The following NMBR variants were observed in gnomAD, a reference collection of about 807,000 sequenced individuals.
The protein encoded by NMBR is neuromedin B receptor.
NMBR carries 16 observed loss-of-function variants against 20.5 expected under a neutral mutation model. The ratio of observed to expected loss-of-function variants is 0.78; its 90% confidence interval spans 0.53 to 1.19. NMBR has a LOEUF of 1.19. NMBR is among the 50% of genes most tolerant of loss of function. NMBR has a pLI of 0.00. For synonymous variants in NMBR, 212 were observed against 196.6 expected, an observed-to-expected ratio of 1.08 and a Z score of -0.65; for missense variants, 582 against 499.1, an observed-to-expected ratio of 1.17 and a Z score of -1.58.
intron 1 of NMBR, among the ~76,000 whole-genome samples, chr6:142,133,350 T>C (rs1582863092): frequency 6.6e-6 from 1 of 152,286 alleles, no homozygotes; most frequent in East Asian, 1.9e-4. Context: ...AATTTAAAAC[T>C]ATAAAGAGAA....
At chr6:142,146,812 T>C (rs926221287) in intron 1 of NMBR, among the ~76,000 whole-genome samples, 1 of 152,154 alleles carries the variant, frequency 6.6e-6, no homozygotes, top group Non-Finnish European at 1.5e-5. Flanking sequence ...GTATTGAAAT[T>C]AAAGTTTCTA....
intron 1 of NMBR, among the ~76,000 whole-genome samples, chr6:142,124,305 T>C (rs1295809356): frequency 2.0e-5 from 3 of 151,900 alleles, no homozygotes; most frequent in Admixed American, 1.3e-4. Context: ...TTTATACCTA[T>C]TTGGTACACT....
At chr6:142,101,051 C>T (rs1255038353) in intron 1 of NMBR, among the ~76,000 whole-genome samples, 1 of 152,104 alleles carries the variant, frequency 6.6e-6, no homozygotes, top group Non-Finnish European at 1.5e-5. Context: ...CAAAGAGACT[C>T]CAGTGCAGCC....
chr6:142,090,434 T>C (rs962892330), intron 1 of NMBR, among the ~76,000 whole-genome samples: 3 of 151,950 alleles, frequency 2.0e-5, no homozygotes, highest in African/African-American at 7.2e-5. Flanking sequence ...AACATTTGCA[T>C]TGTAATCAAT....
At chr6:142,097,036 A>T (rs1000414285) in intron 1 of NMBR, among the ~76,000 whole-genome samples, 9 of 151,946 alleles carry the variant, frequency 5.9e-5, no homozygotes, top group Non-Finnish European at 1.2e-4. Flanking sequence ...TAGATCTTCC[A>T]CCATCCCTTT....
Position 142,088,916 on chromosome 6 carries a change from A to G in NMBR, c.-258T>C. 2.6e-6 allele frequency: 1 copy of G among 381,448 alleles called. No homozygotes were observed. 23.6% of individuals were successfully genotyped at this position (381,448 alleles called of 1,614,324 possible). A position where few individuals can be genotyped will look rare whatever the true frequency, so the allele number is the denominator to read the frequency against. On this transcript the variant is annotated 5_prime_UTR_variant, in exon 2 of 4. Transcript: ENST00000258042. ...TGAATTTAAATTAAAAAAAAAAAAA[A>G]AGCAAAGCGGTTGCGTCTTTGTTCC...
intron 1 of NMBR, among the ~76,000 whole-genome samples, chr6:142,089,776 T>G (rs1009091472): frequency 5.3e-5 from 8 of 152,212 alleles, no homozygotes; most frequent in African/African-American, 1.9e-4. Context: ...TGTTTATCCA[T>G]TCTATATTGA....
intron 1 of NMBR, among the ~76,000 whole-genome samples, chr6:142,095,159 A>G (rs7449532): frequency 0.63 from 95,787 of 151,454 alleles, 31,849 homozygotes; most frequent in East Asian, 0.87. Context: ...TCTCCTGCCT[A>G]ATTGCCCTGG....
At chr6:142,099,243 G>A (rs1777514995) in intron 1 of NMBR, among the ~76,000 whole-genome samples, 1 of 152,150 alleles carries the variant, frequency 6.6e-6, no homozygotes, top group Non-Finnish European at 1.5e-5. Context: ...AGATGAACTT[G>A]TGTATTCGTT....
At chr6:142,103,909 TTA>T (rs1376121450) in intron 1 of NMBR, among the ~76,000 whole-genome samples, 1 of 152,184 alleles carries the variant, frequency 6.6e-6, no homozygotes, top group African/African-American at 2.4e-5. Context: ...AAGCCTAAAG[TTA>T]TCAGAAACTT....
At chr6:142,140,409 A>G (rs1210337945) in intron 1 of NMBR, among the ~76,000 whole-genome samples, 2 of 152,134 alleles carry the variant, frequency 1.3e-5, no homozygotes, top group Non-Finnish European at 2.9e-5. Context: ...AAAAGCCAAC[A>G]CAATTTTGGC....
intron 2 of NMBR, among the ~76,000 whole-genome samples, chr6:142,087,553 T>A (rs909330199): frequency 2.0e-4 from 30 of 152,248 alleles, no homozygotes; most frequent in Admixed American, 2.0e-3. Flanking sequence ...CAAAATAGAA[T>A]AATGGACACT....
At chr6:142,137,582 A>G (rs1051111225) in intron 1 of NMBR, among the ~76,000 whole-genome samples, 40 of 152,172 alleles carry the variant, frequency 2.6e-4, no homozygotes, top group Admixed American at 1.8e-3. Context: ...CCAGTTTTCA[A>G]AGGGAATGCT....
intron 1 of NMBR, chr6:142,134,829 A>T (rs1245995663): frequency 1.5e-6 from 1 of 668,332 alleles, no homozygotes; most frequent in South Asian, 1.7e-5. Context: ...TTCTCATTGC[A>T]ATAAATACAT....
intron 1 of NMBR, chr6:142,134,933 A>G (rs1421004976): frequency 3.7e-6 from 2 of 540,874 alleles, no homozygotes; most frequent in Non-Finnish European, 6.5e-6. Context: ...CCAAATAATT[A>G]CCTATTGTCA....
intron 2 of NMBR, among the ~76,000 whole-genome samples, chr6:142,086,711 G>A (rs1389857145): frequency 5.3e-5 from 8 of 152,014 alleles, no homozygotes; most frequent in African/African-American, 1.7e-4. Context: ...AAATATATAA[G>A]GATTATTATT....
chr6:142,113,482 T>C (rs1777805757), intron 1 of NMBR, among the ~76,000 whole-genome samples: 1 of 152,170 alleles, frequency 6.6e-6, no homozygotes, highest in South Asian at 2.1e-4. Context: ...ATTTATTCTA[T>C]ATAAGAGATG....
In NMBR at chr6:142,075,650, A is replaced by G. The variant is rs754602943; in HGVS notation, c.1171T>C (p.Ter391ArgextTer59). Residue 391 changes from the stop codon to arginine, a stop_lost, in exon 4 of 4, where the codon TGA becomes CGA. Coordinates refer to ENST00000258042, the MANE Select transcript of NMBR (RefSeq NM_002511.4). ...GHSMKQEMAL[*>R] ...GGTAGTGAGTTGAATGGCCAAAATC[A>G]CAGTGCCATTTCCTGCTTCATGCTG... 6.2e-7 allele frequency: 1 copy of G among 1,602,374 alleles called. No individual in the cohort carries two copies. Among genetic ancestry groups the G allele is most frequent in the African/African-American group, 1.3e-5 (1 of 74,652 alleles).
At chr6:142,140,355 A>G (rs552995603) in intron 1 of NMBR, among the ~76,000 whole-genome samples, 1 of 151,876 alleles carries the variant, frequency 6.6e-6, no homozygotes. Flanking sequence ...GTATGCTGTG[A>G]TAACTTTAAG....
Sources: allele counts gnomAD v4.1 joint callset (sites outside exome capture counted in the v4.1 genomes callset), GRCh38; gene constraint gnomAD v4.1.1; transcripts MANE v1.5; gene names NCBI Gene and HGNC (gene_info 2026-07-23, HGNC 2026-07-21).